GRB10: variants seen among roughly 807,000 people sequenced by gnomAD.
The protein encoded by GRB10 is growth factor receptor bound protein 10, also known as growth factor receptor-bound protein 10.
In GRB10, 20 loss-of-function variants were observed where a neutral mutation model predicts 80.9. That is an observed-to-expected ratio of 0.25 (90% CI 0.17 to 0.36). The LOEUF (loss-of-function observed/expected upper bound fraction) is 0.36. Among genes scored for constraint, GRB10 ranks in the 10% least tolerant of loss-of-function variants. The pLI, the probability that GRB10 is intolerant of heterozygous loss-of-function variation, is 1.00. For missense variants in GRB10, 548 were observed against 747.7 expected, an observed-to-expected ratio of 0.73 and a Z score of 3.12; for synonymous variants, 291 against 291.5, an observed-to-expected ratio of 1.00 and a Z score of 0.02.
intron 5 of GRB10, 115 bp from the exon 6 acceptor site, chr7:50,674,773 TG>T: frequency 1.2e-6 from 1 of 857,000 alleles, no homozygotes; most frequent in Non-Finnish European, 1.9e-6. Context: ...TCAAATATTA[TG>T]GAAGGGGTAG....
chr7:50,703,753 A>C, intron 5 of GRB10, 68 bp downstream of exon 5: 4 of 1,095,864 alleles, frequency 3.7e-6, no homozygotes, highest in Non-Finnish European at 5.6e-6. Flanking sequence ...AACATTTTAG[A>C]ATATCAGATC....
chr7:50,764,153 C>T (rs2076079528), intron 2 of GRB10, among the ~76,000 whole-genome samples: 1 of 146,608 alleles, frequency 6.8e-6, no homozygotes, highest in Admixed American at 6.6e-5. Flanking sequence ...CCACCTTCCC[C>T]TGCTGGTAGC....
At chr7:50,727,504 T>G (rs945011402) in intron 4 of GRB10, among the ~76,000 whole-genome samples, 1 of 152,180 alleles carries the variant, frequency 6.6e-6, no homozygotes, top group Non-Finnish European at 1.5e-5. Context: ...AGAATAGAGT[T>G]TTCAACTGAT....
chr7:50,675,841 G>A (rs980636055), intron 5 of GRB10, among the ~76,000 whole-genome samples: 15 of 152,194 alleles, frequency 9.9e-5, no homozygotes, highest in African/African-American at 3.6e-4. Context: ...ACGGGGAAAG[G>A]GAGCCAGGAG....
intron 7 of GRB10, among the ~76,000 whole-genome samples, chr7:50,647,984 G>A (rs2057458773): frequency 6.6e-6 from 1 of 152,214 alleles, no homozygotes; most frequent in African/African-American, 2.4e-5. Context: ...CGTTGGCAGT[G>A]TCTTTTAAGC....
At chr7:50,774,462 C>G (rs888850070) in intron 2 of GRB10, among the ~76,000 whole-genome samples, 12 of 152,214 alleles carry the variant, frequency 7.9e-5, no homozygotes, top group Admixed American at 5.9e-4. Flanking sequence ...CACTTGGTGT[C>G]TGGTGAGGGC....
At chr7:50,601,112 G>A (rs764928513) in intron 17 of GRB10, among the ~76,000 whole-genome samples, 2 of 152,264 alleles carry the variant, frequency 1.3e-5, no homozygotes, top group South Asian at 4.1e-4. Context: ...CAGAGACTGC[G>A]GGAACTGCGC....
intron 7 of GRB10, among the ~76,000 whole-genome samples, chr7:50,648,457 T>A (rs1274270097): frequency 6.6e-6 from 1 of 152,174 alleles, no homozygotes; most frequent in Non-Finnish European, 1.5e-5. Context: ...AATGATAATC[T>A]TCTGAAAGCA....
intron 5 of GRB10, among the ~76,000 whole-genome samples, chr7:50,695,687 T>C (rs2063343955): frequency 6.6e-6 from 1 of 152,196 alleles, no homozygotes; most frequent in Non-Finnish European, 1.5e-5. Flanking sequence ...GAGGTGAACT[T>C]ACAGGAATTT....
intron 4 of GRB10, among the ~76,000 whole-genome samples, chr7:50,707,660 T>C (rs987172696): frequency 3.9e-5 from 6 of 152,362 alleles, no homozygotes; most frequent in East Asian, 3.9e-4. Flanking sequence ...AATGTTGCTA[T>C]TGGGTTGATC....
chr7:50,669,168 AT>A (rs535880067), intron 7 of GRB10, among the ~76,000 whole-genome samples: 134 of 152,322 alleles, frequency 8.8e-4, no homozygotes, highest in African/African-American at 3.1e-3. Context: ...ATTATTTGCC[AT>A]TTTTTATGAG....
chr7:50,746,233 G>A (rs1749352704), intron 3 of GRB10, among the ~76,000 whole-genome samples: 1 of 152,080 alleles, frequency 6.6e-6, no homozygotes, highest in Non-Finnish European at 1.5e-5. Context: ...TTACCATTGG[G>A]TTATAGTTTC....
chr7:50,732,137 G>T, intron 4 of GRB10, 135 bp downstream of exon 4: 1 of 887,488 alleles, frequency 1.1e-6, no homozygotes, highest in Non-Finnish European at 1.9e-6. Flanking sequence ...CATGGGACTT[G>T]TCACCAGCCC....
At position 50,691,981 on chromosome 7, in the gene GRB10, T is replaced by C. The variant is rs117043731; in HGVS notation, c.139+11840A>G. On this transcript the variant is annotated intron_variant, in intron 5 of 18. Coordinates refer to ENST00000401949, the MANE Select transcript of GRB10 (RefSeq NM_001350814.2). ...CTAACAAAAGTTACTTCTGCACAGATACAGTTAGCCCCCCATATCCACAGA... is the reference window on the plus strand; with the variant it reads ...CTAACAAAAGTTACTTCTGCACAGACACAGTTAGCCCCCCATATCCACAGA... Among the ~76,000 whole-genome samples, 23 of 152,346 alleles carry C rather than the reference T, an allele frequency of 1.5e-4. No homozygotes were observed. In the East Asian group the frequency reaches 2.3e-3, roughly 15 times the overall value.
At chr7:50,677,346 G>T (rs1280102735) in intron 5 of GRB10, among the ~76,000 whole-genome samples, 2 of 152,206 alleles carry the variant, frequency 1.3e-5, no homozygotes, top group Non-Finnish European at 2.9e-5. Flanking sequence ...GTGGGGAAGA[G>T]TTGGTTGGCA....
chr7:50,659,658 G>A (rs1226262741), intron 7 of GRB10, among the ~76,000 whole-genome samples: 1 of 152,218 alleles, frequency 6.6e-6, no homozygotes, highest in Non-Finnish European at 1.5e-5. Context: ...AAGGCAGACA[G>A]TAGAGCAAAC....
intron 1 of GRB10, chr7:50,781,460 C>T: frequency 6.6e-6 from 1 of 152,344 alleles, no homozygotes; most frequent in East Asian, 1.9e-4. Context: ...CAGGAGACTC[C>T]AGGCAGCACC....
chr7:50,713,692 A>C (rs1587338395), intron 4 of GRB10, among the ~76,000 whole-genome samples: 5 of 39,970 alleles, frequency 1.3e-4, no homozygotes, highest in African/African-American at 3.1e-4. Context: ...CTCCATTGTC[A>C]CCTCCACCTC....
At chr7:50,625,894 T>G (rs1239619324) in intron 8 of GRB10, among the ~76,000 whole-genome samples, 1 of 152,196 alleles carries the variant, frequency 6.6e-6, no homozygotes, top group African/African-American at 2.4e-5. Flanking sequence ...AATTAAGTAT[T>G]CCAGACCTAG....
Sources: gnomAD v4.1 joint callset for allele counts (sites outside exome capture counted in the v4.1 genomes callset) on GRCh38, gnomAD v4.1.1 for gene constraint, MANE v1.5 for transcripts, NCBI Gene and HGNC (gene_info 2026-07-23, HGNC 2026-07-21) for gene names.